EPHA3: variants seen among roughly 807,000 people sequenced by gnomAD.
EPHA3 encodes the protein ephrin type-A receptor 3.
EPHA3 carries 42 observed loss-of-function variants against 107.1 expected under a neutral mutation model. The observed-to-expected ratio is 0.39, with a 90% CI of 0.31 to 0.51. EPHA3 has a LOEUF of 0.51. Ranked by LOEUF, EPHA3 falls within the 20% of genes least tolerant of loss-of-function variation. The probability of loss-of-function intolerance (pLI) is 0.78; values close to 1 mark genes in which losing one functional copy is unlikely to be tolerated. For missense variants in EPHA3, 1,183 were observed against 1,211.2 expected, an observed-to-expected ratio of 0.98 and a Z score of 0.35; for synonymous variants, 461 against 424.8, an observed-to-expected ratio of 1.09 and a Z score of -1.05.
At chr3:89,210,715 T>G (rs1706257306) in intron 3 of EPHA3, among the ~76,000 whole-genome samples, 195 bp downstream of exon 3, 1 of 152,148 alleles carries the variant, frequency 6.6e-6, no homozygotes, top group African/African-American at 2.4e-5. Flanking sequence ...AATATTAATG[T>G]ATTTGATTAT....
At chr3:89,200,139 G>A (rs934488839) in intron 2 of EPHA3, among the ~76,000 whole-genome samples, 2 of 152,102 alleles carry the variant, frequency 1.3e-5, no homozygotes, top group African/African-American at 2.4e-5. Context: ...TCAATATAGA[G>A]CCTGATACAC....
intron 2 of EPHA3, among the ~76,000 whole-genome samples, chr3:89,193,008 T>A (rs753214954): frequency 2.0e-5 from 3 of 152,108 alleles, no homozygotes; most frequent in Non-Finnish European, 2.9e-5. Flanking sequence ...AAACTTTGAA[T>A]GAGTTTGTAA....
intron 13 of EPHA3, among the ~76,000 whole-genome samples, chr3:89,432,604 C>T (rs1236533331): frequency 6.6e-6 from 1 of 152,020 alleles, no homozygotes; most frequent in Non-Finnish European, 1.5e-5. Flanking sequence ...AAATTATTTC[C>T]ATGGTAGAAA....
chr3:89,240,263 C>T (rs1704863566), intron 3 of EPHA3, among the ~76,000 whole-genome samples: 1 of 152,162 alleles, frequency 6.6e-6, no homozygotes, highest in Non-Finnish European at 1.5e-5. Flanking sequence ...ACTTTCTGAG[C>T]AAATTTCTGT....
At chr3:89,353,632 A>AGT (rs1559660704) in intron 5 of EPHA3, among the ~76,000 whole-genome samples, 1 of 151,320 alleles carries the variant, frequency 6.6e-6, no homozygotes, top group Non-Finnish European at 1.5e-5. Flanking sequence ...GATGTGTCAT[A>AGT]GTGTGGCCAA....
chr3:89,313,634 G>T, intron 3 of EPHA3, among the ~76,000 whole-genome samples: 1 of 151,786 alleles, frequency 6.6e-6, no homozygotes, highest in South Asian at 2.1e-4. Flanking sequence ...TCCTCTGTAG[G>T]TTCCATGCTG....
chr3:89,360,210 C>G (rs1358039539), intron 5 of EPHA3, among the ~76,000 whole-genome samples: 1 of 150,922 alleles, frequency 6.6e-6, no homozygotes, highest in South Asian at 2.1e-4. Context: ...AATCAAGCCT[C>G]TCTTTTTTTT....
At chr3:89,390,020 C>T (rs1708692486) in intron 5 of EPHA3, among the ~76,000 whole-genome samples, 2 of 151,890 alleles carry the variant, frequency 1.3e-5, no homozygotes, top group South Asian at 2.1e-4. Flanking sequence ...GAGACTGAGT[C>T]TCACTCTGTC....
intron 3 of EPHA3, among the ~76,000 whole-genome samples, chr3:89,338,437 G>C (rs991381973): frequency 6.6e-6 from 1 of 152,192 alleles, no homozygotes; most frequent in Non-Finnish European, 1.5e-5. Flanking sequence ...TTAAATGCCC[G>C]CTGCCCATTT....
At chr3:89,413,065 A>G in intron 9 of EPHA3, 76 bp from the exon 10 acceptor site, 2 of 1,585,450 alleles carry the variant, frequency 1.3e-6, no homozygotes, top group Non-Finnish European at 8.6e-7. Flanking sequence ...TTAAACCAAT[A>G]ATGCCATAAA....
At chr3:89,261,835 G>T (rs867147517) in intron 3 of EPHA3, among the ~76,000 whole-genome samples, 2 of 150,784 alleles carry the variant, frequency 1.3e-5, no homozygotes, top group Non-Finnish European at 3.0e-5. Flanking sequence ...TGGTGCAAAA[G>T]TCATTGCGGT....
intron 2 of EPHA3, among the ~76,000 whole-genome samples, chr3:89,129,530 A>G (rs555184909): frequency 6.6e-6 from 1 of 151,910 alleles, no homozygotes; most frequent in South Asian, 2.1e-4. Context: ...TTTCCTTTAA[A>G]TTTCCCACAT....
rs1328672204 is a variant in EPHA3 at position 89,472,537 on chromosome 3, G to T, written c.2764G>T (p.Gly922Cys). 6.2e-6 allele frequency: 10 copies of T among 1,614,068 alleles called. No individual in the cohort carries two copies. The highest frequency in any genetic ancestry group is 8.5e-6 in the Non-Finnish European group (10 of 1,180,008). The change falls in exon 16 of 17, where the codon GGT becomes TGT. Residue 922 changes from glycine (G) to cysteine (C), a missense_variant. Coordinates refer to ENST00000336596, the MANE Select transcript of EPHA3 (RefSeq NM_005233.6). ...CCGCACAACAGGTGACTGGCTTAAT[G>T]GTGTCTGGACAGCACACTGCAAGGA... ...TFRTTGDWLN[G>C]VWTAHCKEIF...
At chr3:89,230,394 G>T (rs1424916825) in intron 3 of EPHA3, among the ~76,000 whole-genome samples, 2 of 152,110 alleles carry the variant, frequency 1.3e-5, no homozygotes, top group Non-Finnish European at 2.9e-5. Flanking sequence ...AGAGTGCAAA[G>T]TTATGTTGGA....
chr3:89,193,534 C>A (rs972226026), intron 2 of EPHA3, among the ~76,000 whole-genome samples: 2 of 151,660 alleles, frequency 1.3e-5, no homozygotes, highest in African/African-American at 4.8e-5. Context: ...GGATAGCTAC[C>A]GTTAACAATA....
At chr3:89,210,827 A>C (rs1482909818) in intron 3 of EPHA3, among the ~76,000 whole-genome samples, 1 of 152,154 alleles carries the variant, frequency 6.6e-6, no homozygotes, top group Non-Finnish European at 1.5e-5. Flanking sequence ...CACCTGGAAG[A>C]AAAACATTCT....
At chr3:89,236,925 T>C (rs2107236039) in intron 3 of EPHA3, among the ~76,000 whole-genome samples, 1 of 152,274 alleles carries the variant, frequency 6.6e-6, no homozygotes, top group South Asian at 2.1e-4. Context: ...ATGTAGTTGT[T>C]ATCAAGTGTA....
chr3:89,248,804 G>T lies in EPHA3; in HGVS notation c.814+38284G>T, dbSNP rs530181094. 5.9e-5 allele frequency among the ~76,000 whole-genome samples: 9 copies of T among 152,256 alleles called. No homozygotes were observed. The South Asian group carries it at 1.9e-3, about 32-fold the overall frequency. ...CTAATGAATGTGCAGATTTGGAAAA[G>T]AATCACTTTGCTTCTACATAAATTC... On this transcript the variant is annotated intron_variant, in intron 3 of 16. Coordinates refer to ENST00000336596, the MANE Select transcript of EPHA3 (RefSeq NM_005233.6).
chr3:89,114,815 G>C (rs750638132), intron 1 of EPHA3, among the ~76,000 whole-genome samples: 3 of 152,212 alleles, frequency 2.0e-5, no homozygotes, highest in Admixed American at 2.0e-4. Context: ...GGGAGAGCAC[G>C]GCGTACTCCT....
Sources: allele counts gnomAD v4.1 joint callset (sites outside exome capture counted in the v4.1 genomes callset), GRCh38; gene constraint gnomAD v4.1.1; transcripts MANE v1.5; gene names NCBI Gene and HGNC (gene_info 2026-07-23, HGNC 2026-07-21).